The following SRGAP1 variants were observed in gnomAD, a reference collection of about 807,000 sequenced individuals.
The protein encoded by SRGAP1 is SLIT-ROBO Rho GTPase-activating protein 1.
SRGAP1 carries 43 observed loss-of-function variants against 121.9 expected under a neutral mutation model. The observed-to-expected ratio is 0.35, with a 90% CI of 0.28 to 0.46. The LOEUF is 0.46. Ranked by LOEUF, SRGAP1 falls within the 20% of genes least tolerant of loss-of-function variation. The pLI is 1.00. For synonymous variants in SRGAP1, 447 were observed against 485.4 expected, an observed-to-expected ratio of 0.92 and a Z score of 1.04; for missense variants, 1,102 against 1,350.9, an observed-to-expected ratio of 0.82 and a Z score of 2.89.
chr12:63,889,970 ATCAT>A lies in SRGAP1; in HGVS notation c.67+45093_67+45096del, dbSNP rs541454957. ...TTTAGTATTTATTTACCATGGGTTA[ATCAT>A]TCATTTGCTTTATCTGTTTGTTCCA... On this transcript the variant is annotated intron_variant, in intron 1 of 21. Transcript: ENST00000355086. 1.3e-3 allele frequency among the ~76,000 whole-genome samples: 201 copies of A among 152,132 alleles called. 1 individual carries two copies. Among genetic ancestry groups the A allele is most frequent in the African/African-American group, 4.8e-3 (198 of 41,556 alleles).
chr12:63,903,842 C>T (rs773838063), intron 1 of SRGAP1, among the ~76,000 whole-genome samples: 3 of 151,980 alleles, frequency 2.0e-5, no homozygotes, highest in Non-Finnish European at 4.4e-5. Context: ...ACTGTGTTGG[C>T]CAGGCCGGTC....
At chr12:63,886,621 AG>A (rs1900393309) in intron 1 of SRGAP1, among the ~76,000 whole-genome samples, 1 of 151,666 alleles carries the variant, frequency 6.6e-6, no homozygotes, top group South Asian at 2.1e-4. Flanking sequence ...CTGGGACTAC[AG>A]GTGTGCGCCC....
intron 1 of SRGAP1, among the ~76,000 whole-genome samples, chr12:63,963,972 A>C (rs2032714950): frequency 6.6e-6 from 1 of 152,236 alleles, no homozygotes; most frequent in Non-Finnish European, 1.5e-5. Flanking sequence ...TTTATAAAGA[A>C]AATTATGTAA....
chr12:64,078,997 T>G lies in SRGAP1; in HGVS notation c.1204T>G (p.Phe402Val), dbSNP rs1342759752. 4.3e-6 allele frequency: 7 copies of G among 1,614,158 alleles called. No individual in the cohort carries two copies. In the East Asian group the frequency reaches 6.7e-5, roughly 15 times the overall value. ...TIEDYDVSEC[F>V]QHSRSTESVK... Reference sequence around the variant, plus strand: ...CGAGGACTATGATGTTTCTGAATGCTTCCAGCACAGTCGTTCCACAGAATC... The same window carrying G: ...CGAGGACTATGATGTTTCTGAATGCGTCCAGCACAGTCGTTCCACAGAATC... Residue 402 changes from phenylalanine to valine, a missense_variant, in exon 9 of 22, where the codon TTC becomes GTC. By Grantham distance (50) the Phe-to-Val change is conservative (BLOSUM62 -1). Around this residue, in one of 3 missense-constraint regions of SRGAP1, gnomAD observed 747 missense variants for 929.4 expected, o/e 0.80. Coordinates refer to ENST00000355086, the MANE Select transcript of SRGAP1 (RefSeq NM_020762.4).
At chr12:64,063,291 C>T (rs746018881) in intron 7 of SRGAP1, among the ~76,000 whole-genome samples, 153 bp downstream of exon 7, 2 of 152,170 alleles carry the variant, frequency 1.3e-5, no homozygotes, top group South Asian at 2.1e-4. Context: ...TAGTCGCTAC[C>T]GCCTTTTAAA....
intron 3 of SRGAP1, among the ~76,000 whole-genome samples, chr12:64,003,064 AAGGGAGGGAGGG>A (rs1224980027): frequency 1.4e-5 from 1 of 71,608 alleles, no homozygotes; most frequent in Non-Finnish European, 2.6e-5. Context: ...GAGAGAAAGA[AAGGGAGGGAGGG>A]AGGAAGGGAG....
chr12:63,904,381 C>A (rs981968691), intron 1 of SRGAP1, among the ~76,000 whole-genome samples: 7 of 152,180 alleles, frequency 4.6e-5, no homozygotes. Context: ...ATTCTCTCTT[C>A]CTGTTCTATT....
chr12:64,096,540 C>T (rs2036158137), intron 14 of SRGAP1, among the ~76,000 whole-genome samples: 1 of 152,178 alleles, frequency 6.6e-6, no homozygotes, highest in Non-Finnish European at 1.5e-5. Flanking sequence ...CAGAAAGAAA[C>T]GCTCACCAGA....
At chr12:64,004,854 A>G (rs560879856) in intron 3 of SRGAP1, among the ~76,000 whole-genome samples, 2 of 152,224 alleles carry the variant, frequency 1.3e-5, no homozygotes, top group Non-Finnish European at 2.9e-5. Context: ...TCTGGTTGCT[A>G]GCCAACTTTC....
At chr12:64,018,462 G>T (rs1413716855) in intron 4 of SRGAP1, among the ~76,000 whole-genome samples, 1 of 152,008 alleles carries the variant, frequency 6.6e-6, no homozygotes, top group African/African-American at 2.4e-5. Flanking sequence ...AATTCCATTT[G>T]TTCCTAAAAA....
At chr12:63,855,965 A>G (rs1318257959) in intron 1 of SRGAP1, among the ~76,000 whole-genome samples, 1 of 152,052 alleles carries the variant, frequency 6.6e-6, no homozygotes, top group Non-Finnish European at 1.5e-5. Flanking sequence ...CACTTTTAAA[A>G]AGATCCTCTA....
At chr12:64,114,444 G>A (rs370484343) in intron 17 of SRGAP1, among the ~76,000 whole-genome samples, 10 of 144,578 alleles carry the variant, frequency 6.9e-5, no homozygotes, top group African/African-American at 2.5e-4. Flanking sequence ...TCTGCCTCCC[G>A]GGTTCAAGCG....
At chr12:63,986,096 T>G (rs934570093) in intron 2 of SRGAP1, among the ~76,000 whole-genome samples, 1 of 152,092 alleles carries the variant, frequency 6.6e-6, no homozygotes, top group Non-Finnish European at 1.5e-5. Flanking sequence ...TCTCTGTCTC[T>G]TCTCTTTTCT....
In SRGAP1 at chr12:64,078,945, G is replaced by A. The variant is rs772137845; in HGVS notation, c.1152G>A (p.Leu384=). ...EEVKKTTEAT[L]QTIQDMVTIE... ...TTAAGAAAACGACTGAAGCCACCTT[G>A]CAGACGATACAAGATATGGTCACCA... is the stretch of plus-strand genomic sequence containing the variant. The change falls in exon 9 of 22, where the codon TTG becomes TTA. Residue 384 remains leucine, a synonymous_variant. Transcript: ENST00000355086. 6.2e-7 allele frequency: 1 copy of A among 1,613,834 alleles called. No homozygotes were observed. The highest frequency in any genetic ancestry group is 8.5e-7 in the Non-Finnish European group (1 of 1,179,968).
intron 11 of SRGAP1, among the ~76,000 whole-genome samples, chr12:64,088,851 C>T (rs1272214263): frequency 6.6e-6 from 1 of 152,168 alleles, no homozygotes; most frequent in Non-Finnish European, 1.5e-5. Flanking sequence ...TGATTCAGTG[C>T]ATTGGAGGTT....
intron 1 of SRGAP1, among the ~76,000 whole-genome samples, chr12:63,940,361 A>G (rs2031821460): frequency 6.6e-6 from 1 of 151,386 alleles, no homozygotes; most frequent in Non-Finnish European, 1.5e-5. Flanking sequence ...TATTATGTCA[A>G]ATGCCTCTTT....
chr12:63,875,902 T>G (rs1471236581), intron 1 of SRGAP1, among the ~76,000 whole-genome samples: 1 of 152,210 alleles, frequency 6.6e-6, no homozygotes, highest in East Asian at 1.9e-4. Flanking sequence ...TAAAACCAAA[T>G]GATAAAATTC....
intron 4 of SRGAP1, chr12:64,032,501 C>A: frequency 1.7e-6 from 2 of 1,163,418 alleles, no homozygotes; most frequent in Non-Finnish European, 2.6e-6. Context: ...TATCCAGCAG[C>A]CAGGCATGGA....
chr12:63,861,619 A>G (rs920009505), intron 1 of SRGAP1, among the ~76,000 whole-genome samples: 2 of 152,020 alleles, frequency 1.3e-5, no homozygotes, highest in African/African-American at 4.8e-5. Flanking sequence ...TTTTATATGT[A>G]GTGTTTTTAT....
Sources: allele counts gnomAD v4.1 joint callset (sites outside exome capture counted in the v4.1 genomes callset), GRCh38; gene constraint gnomAD v4.1.1; regional missense constraint gnomAD v4.1.1; transcripts MANE v1.5; gene names NCBI Gene and HGNC (gene_info 2026-07-23, HGNC 2026-07-21).